Variants in USP10 observed in about 807,000 individuals in gnomAD.
The protein encoded by USP10 is ubiquitin specific peptidase 10.
Under a neutral mutation model 84.5 loss-of-function variants are expected in USP10, and 22 were observed. The ratio of observed to expected loss-of-function variants is 0.26; its 90% CI spans 0.19 to 0.37. The LOEUF is 0.37. Among genes scored for constraint, USP10 ranks in the 10% least tolerant of loss-of-function variants. The pLI is 1.00. For missense variants in USP10, 1,019 were observed against 998.9 expected (o/e 1.02, Z -0.27); for synonymous variants, 454 against 387.6 (o/e 1.17, Z -2.01).
chr16:84,759,176 A>G (rs117346875), intron 5 of USP10, 187 bp from the exon 6 acceptor site: 45,645 of 624,724 alleles, frequency 0.073, 2,303 homozygotes, highest in Non-Finnish European at 0.096. Flanking sequence ...GTAGATCCTT[A>G]TATGGACATC....
chr16:84,754,154 G>A (rs942566776), intron 4 of USP10, among the ~76,000 whole-genome samples: 1 of 152,162 alleles, frequency 6.6e-6, no homozygotes, highest in African/African-American at 2.4e-5. Context: ...CAGTGATGAG[G>A]TCAGCTACTG....
intron 11 of USP10, among the ~76,000 whole-genome samples, chr16:84,771,139 A>C (rs923975845): frequency 6.6e-6 from 1 of 152,170 alleles, no homozygotes; most frequent in African/African-American, 2.4e-5. Flanking sequence ...AGGGATTGTT[A>C]TTTGTAAAGA....
intron 1 of USP10, among the ~76,000 whole-genome samples, chr16:84,700,514 G>A (rs547642905): frequency 3.9e-5 from 6 of 152,224 alleles, no homozygotes; most frequent in African/African-American, 1.2e-4. Flanking sequence ...CCCCAGAGCA[G>A]CTCAGGTTGC....
At chr16:84,737,710 C>T (rs1421748138) in intron 2 of USP10, among the ~76,000 whole-genome samples, 1 of 152,210 alleles carries the variant, frequency 6.6e-6, no homozygotes, top group Non-Finnish European at 1.5e-5. Context: ...CTGGCACTGT[C>T]ACCTGGCTTC....
At chr16:84,764,931 GA>G (rs543483741) in intron 10 of USP10, among the ~76,000 whole-genome samples, 15 of 39,264 alleles carry the variant, frequency 3.8e-4, no homozygotes, top group East Asian at 2.3e-3. Flanking sequence ...GAGAGAGAGA[GA>G]AAAAAAAATA....
intron 2 of USP10, among the ~76,000 whole-genome samples, chr16:84,737,600 GT>G (rs1277033495): frequency 1.3e-5 from 2 of 152,220 alleles, no homozygotes; most frequent in African/African-American, 4.8e-5. Context: ...CAAAGTAAGT[GT>G]GTTGAGCATG....
chr16:84,726,092 A>G (rs947811009), intron 1 of USP10, among the ~76,000 whole-genome samples: 2 of 152,236 alleles, frequency 1.3e-5, no homozygotes, highest in African/African-American at 2.4e-5. Context: ...TTCTTACTTC[A>G]GGGCTGATCT....
intron 8 of USP10, among the ~76,000 whole-genome samples, chr16:84,762,749 A>G (rs183410345): frequency 1.3e-5 from 2 of 152,308 alleles, no homozygotes; most frequent in African/African-American, 4.8e-5. Context: ...AAGTATAAAT[A>G]ATAAAAATCC....
At chr16:84,770,473 A>G (rs1203110169) in intron 11 of USP10, among the ~76,000 whole-genome samples, 1 of 152,188 alleles carries the variant, frequency 6.6e-6, no homozygotes, top group Non-Finnish European at 1.5e-5. Flanking sequence ...TTGAGTGATT[A>G]GAAATTAAGC....
At chr16:84,701,513 T>G (rs761547119) in intron 1 of USP10, among the ~76,000 whole-genome samples, 15 of 152,178 alleles carry the variant, frequency 9.9e-5, no homozygotes, top group Non-Finnish European at 1.9e-4. Flanking sequence ...TTTTCTCAAC[T>G]TAAATCCTAA....
chr16:84,757,523 A>G (rs1912726996), intron 4 of USP10, among the ~76,000 whole-genome samples: 1 of 151,998 alleles, frequency 6.6e-6, no homozygotes, highest in Non-Finnish European at 1.5e-5. Flanking sequence ...TAGTTTAGAA[A>G]AGAAAAGCTT....
At chr16:84,752,743 G>C (rs1407951984) in intron 4 of USP10, among the ~76,000 whole-genome samples, 2 of 152,174 alleles carry the variant, frequency 1.3e-5, no homozygotes, top group African/African-American at 4.8e-5. Context: ...CTGCGAGGAA[G>C]AAGAGGAGCT....
intron 13 of USP10, among the ~76,000 whole-genome samples, chr16:84,778,091 C>CGTGTGTGTGTGTG (rs1555551161): frequency 3.5e-5 from 5 of 143,432 alleles, no homozygotes; most frequent in African/African-American, 1.3e-4. Flanking sequence ...AAGTAAATAA[C>CGTGTGTGTGTGTG]TGTGTGTGTG....
At chr16:84,738,641 A>G (rs1030938985) in intron 2 of USP10, among the ~76,000 whole-genome samples, 2 of 152,166 alleles carry the variant, frequency 1.3e-5, no homozygotes, top group Non-Finnish European at 2.9e-5. Context: ...TGTCAACGTG[A>G]TGCGTACTAG....
At chr16:84,767,226 C>G (rs967734706) in intron 10 of USP10, among the ~76,000 whole-genome samples, 1 of 152,002 alleles carries the variant, frequency 6.6e-6, no homozygotes, top group Non-Finnish European at 1.5e-5. Context: ...AACTAGGTCA[C>G]CGAGACTGCA....
At chr16:84,758,186 C>G (rs1326398186) in intron 4 of USP10, among the ~76,000 whole-genome samples, 1 of 152,156 alleles carries the variant, frequency 6.6e-6, no homozygotes, top group Non-Finnish European at 1.5e-5. Context: ...TTGTAGGAGA[C>G]CGCTGTCTCT....
At chr16:84,723,200 G>C (rs1400500404) in intron 1 of USP10, among the ~76,000 whole-genome samples, 1 of 151,146 alleles carries the variant, frequency 6.6e-6, no homozygotes, top group Non-Finnish European at 1.5e-5. Context: ...TTTGAAAAGT[G>C]GTTTCTCTTT....
chr16:84,726,017 AT>A (rs1908423824), intron 1 of USP10, among the ~76,000 whole-genome samples: 2 of 152,166 alleles, frequency 1.3e-5, no homozygotes, highest in Admixed American at 6.5e-5. Flanking sequence ...GTTCTTAGAG[AT>A]TGGTCATAGT....
intron 13 of USP10, among the ~76,000 whole-genome samples, chr16:84,778,069 G>T (rs1012799817): frequency 6.0e-5 from 7 of 116,236 alleles, no homozygotes; most frequent in Admixed American, 5.4e-4. Flanking sequence ...TTGGTTATAG[G>T]ATTTTTTTTT....
Sources: gnomAD v4.1 joint callset for allele counts (sites outside exome capture counted in the v4.1 genomes callset) on GRCh38, gnomAD v4.1.1 for gene constraint, MANE v1.5 for transcripts, NCBI Gene and HGNC (gene_info 2026-07-23, HGNC 2026-07-21) for gene names.